The following LCA5 variants were observed in gnomAD, a reference collection of about 807,000 sequenced individuals.
LCA5 encodes the protein lebercilin LCA5, also known as lebercilin.
In LCA5, 37 loss-of-function variants were observed where a neutral mutation model predicts 53.0. The observed-to-expected ratio is 0.70, with a 90% CI of 0.54 to 0.92. The LOEUF (loss-of-function observed/expected upper bound fraction) is 0.92, where lower values mean the gene tolerates loss of function less well. LCA5 is among the 40% of genes least tolerant of loss of function. The pLI is 0.00. For missense variants in LCA5, 806 were observed against 790.5 expected, an observed-to-expected ratio of 1.02 and a Z score of -0.23; for synonymous variants, 303 against 282.9, an observed-to-expected ratio of 1.07 and a Z score of -0.71.
intron 3 of LCA5, among the ~76,000 whole-genome samples, chr6:79,494,986 G>C (rs1389130690): frequency 3.9e-5 from 6 of 152,192 alleles, no homozygotes; most frequent in African/African-American, 1.4e-4. Flanking sequence ...TAAAGCAGGG[G>C]TCCCCAACCC....
At chr6:79,518,165 T>C (rs1766499616) in intron 2 of LCA5, among the ~76,000 whole-genome samples, 1 of 152,184 alleles carries the variant, frequency 6.6e-6, no homozygotes, top group Non-Finnish European at 1.5e-5. Flanking sequence ...CAAAAATGAC[T>C]TCTAATGATT....
chr6:79,492,687 T>C, intron 4 of LCA5, 40 bp from the exon 5 acceptor site: 1 of 1,070,964 alleles, frequency 9.3e-7, no homozygotes, highest in Non-Finnish European at 1.4e-6. Flanking sequence ...GTAGAGCCTC[T>C]GCTTAAAACA....
At chr6:79,506,490 A>C (rs938997309) in intron 3 of LCA5, among the ~76,000 whole-genome samples, 2 of 152,172 alleles carry the variant, frequency 1.3e-5, no homozygotes, top group African/African-American at 4.8e-5. Flanking sequence ...CAGGAATACA[A>C]CCCCAACAGT....
At chr6:79,529,873 G>A (rs776063254) in intron 1 of LCA5, among the ~76,000 whole-genome samples, 3 of 146,776 alleles carry the variant, frequency 2.0e-5, no homozygotes, top group Non-Finnish European at 4.5e-5. Flanking sequence ...ACCAAACACC[G>A]CATGTTCTCA....
At position 79,488,507 on chromosome 6, in the gene LCA5, A is replaced by AACCGAT. The variant is rs1345882967; in HGVS notation, c.1231+576_1231+577insATCGGT. ...GTACCAGAGGGAAGAAAATTCTATC[A>AACCGAT]AGAACAATATTGTATCAACTGACAA... On this transcript the variant is annotated intron_variant, in intron 7 of 7. Transcript: ENST00000369846. 2.6e-5 allele frequency: 4 copies of AACCGAT among 154,222 alleles called. No individual in the cohort carries two copies. The East Asian group carries it at 7.7e-4, about 30-fold the overall frequency. 9.6% of individuals were successfully genotyped at this position (154,222 alleles called of 1,614,324 possible). A position where few individuals can be genotyped will look rare whatever the true frequency, so the allele number is the denominator to read the frequency against.
chr6:79,515,953 T>C (rs1766424297), intron 2 of LCA5, among the ~76,000 whole-genome samples: 1 of 152,032 alleles, frequency 6.6e-6, no homozygotes, highest in Non-Finnish European at 1.5e-5. Context: ...ATACAGCTAT[T>C]GAGAAGCTTG....
chr6:79,504,419 A>G (rs1257278371), intron 3 of LCA5, among the ~76,000 whole-genome samples: 2 of 152,234 alleles, frequency 1.3e-5, no homozygotes, highest in Non-Finnish European at 2.9e-5. Context: ...AGTGACTCCA[A>G]GGCTGCCAGA....
chr6:79,488,105 G>A (rs985709391), intron 7 of LCA5: 5 of 468,474 alleles, frequency 1.1e-5, no homozygotes, highest in African/African-American at 1.0e-4. Flanking sequence ...GATACTGGTG[G>A]GGAAGAAAGG....
chr6:79,486,036 A>C lies in LCA5; in HGVS notation c.*968T>G, dbSNP rs1769644087. 6.6e-6 allele frequency: 1 copy of C among 152,224 alleles called. No homozygotes were observed. The highest frequency in any genetic ancestry group is 1.5e-5 in the Non-Finnish European group (1 of 68,034). The allele number at this position is 152,224 out of a possible 1,614,324, so 9.4% of individuals were successfully genotyped here. A position where few individuals can be genotyped will look rare whatever the true frequency, so the allele number is the denominator to read the frequency against. On this transcript the variant is annotated 3_prime_UTR_variant, in exon 8 of 8. Transcript: ENST00000369846. ...GCTTTAAAACTAATCCTGTAAGTCC[A>C]ATAGTATTACACTATTGTTGTCTCC... is the stretch of plus-strand genomic sequence containing the variant.
intron 3 of LCA5, among the ~76,000 whole-genome samples, chr6:79,508,157 C>T (rs1770318480): frequency 2.6e-5 from 4 of 152,072 alleles, no homozygotes; most frequent in South Asian, 2.1e-4. Flanking sequence ...GAAGTTTAAT[C>T]CCATCAAGTA....
chr6:79,499,232 A>C (rs1335672384), intron 3 of LCA5, among the ~76,000 whole-genome samples: 1 of 152,166 alleles, frequency 6.6e-6, no homozygotes. Flanking sequence ...GAGTGGTAAG[A>C]ATGAGAATGT....
chr6:79,535,956 C>T (rs555378690), intron 1 of LCA5, among the ~76,000 whole-genome samples: 1 of 152,242 alleles, frequency 6.6e-6, no homozygotes, highest in South Asian at 2.1e-4. Context: ...ATTTAATGGG[C>T]TTCCATTGTG....
At chr6:79,525,003 T>C (rs1326827176) in intron 1 of LCA5, among the ~76,000 whole-genome samples, 1 of 152,132 alleles carries the variant, frequency 6.6e-6, no homozygotes, top group Admixed American at 6.5e-5. Flanking sequence ...TAAACCATCA[T>C]TTAAAAAATT....
At chr6:79,500,962 G>T (rs1770121976) in intron 3 of LCA5, among the ~76,000 whole-genome samples, 1 of 152,020 alleles carries the variant, frequency 6.6e-6, no homozygotes, top group Admixed American at 6.6e-5. Flanking sequence ...TATTAGATGT[G>T]ATCTGACCAA....
At chr6:79,525,439 G>A (rs1009700820) in intron 1 of LCA5, among the ~76,000 whole-genome samples, 7 of 152,166 alleles carry the variant, frequency 4.6e-5, no homozygotes, top group South Asian at 2.1e-4. Flanking sequence ...GAATAATTAG[G>A]AGAGTGGTCA....
At chr6:79,526,684 A>C (rs1329034619) in intron 1 of LCA5, among the ~76,000 whole-genome samples, 1 of 152,208 alleles carries the variant, frequency 6.6e-6, no homozygotes, top group East Asian at 1.9e-4. Context: ...GGAATTATCC[A>C]CACCCCTTGG....
At chr6:79,526,910 G>T (rs1766807003) in intron 1 of LCA5, among the ~76,000 whole-genome samples, 1 of 152,142 alleles carries the variant, frequency 6.6e-6, no homozygotes, top group African/African-American at 2.4e-5. Flanking sequence ...CCCTACTATG[G>T]AAACCAAGGA....
intron 1 of LCA5, among the ~76,000 whole-genome samples, chr6:79,521,704 A>C (rs1391025795): frequency 6.6e-6 from 1 of 152,206 alleles, no homozygotes. Context: ...AGAAACAAGG[A>C]AAAAACTAGG....
rs955358722 is a variant in LCA5, at chr6:79,509,180, C to A, written c.720+4032G>T. ...TAAGAGAAGTAGGTTTATGGCTGGG[C>A]GTGGTGGCTCACGCCTGTAATCCCA... On this transcript the variant is annotated intron_variant, in intron 3 of 7. Transcript: ENST00000369846. Among the ~76,000 whole-genome samples the A allele has an allele frequency of 7.9e-5, 12 of 152,174 alleles. 1 individual carries two copies. Among genetic ancestry groups the A allele is most frequent in the African/African-American group, 2.9e-4 (12 of 41,556 alleles).
Sources: gnomAD v4.1 joint callset for allele counts (sites outside exome capture counted in the v4.1 genomes callset) on GRCh38, gnomAD v4.1.1 for gene constraint, MANE v1.5 for transcripts, NCBI Gene and HGNC (gene_info 2026-07-23, HGNC 2026-07-21) for gene names.